The following RIMS2 variants were observed in gnomAD, a reference collection of about 807,000 sequenced individuals.
RIMS2 encodes the protein regulating synaptic membrane exocytosis protein 2.
RIMS2 carries 59 observed loss-of-function variants against 174.4 expected under a neutral mutation model. The ratio of observed to expected loss-of-function variants is 0.34; its 90% CI spans 0.27 to 0.42. RIMS2 has a LOEUF of 0.42. Among genes scored for constraint, RIMS2 ranks in the 10% least tolerant of loss-of-function variants. RIMS2 has a pLI of 1.00. For synonymous variants in RIMS2, 606 were observed against 572.5 expected (o/e 1.06, Z -0.84); for missense variants, 1,620 against 1,666.3 (o/e 0.97, Z 0.48).
chr8:103,794,937 G>A (rs199720450), intron 3 of RIMS2, among the ~76,000 whole-genome samples: 3 of 152,058 alleles, frequency 2.0e-5, no homozygotes, highest in African/African-American at 4.8e-5. Context: ...AGGAAACAAC[G>A]GGTGATGGAG....
intron 3 of RIMS2, among the ~76,000 whole-genome samples, chr8:103,837,724 G>A (rs1376203516): frequency 1.3e-5 from 2 of 152,118 alleles, no homozygotes; most frequent in African/African-American, 2.4e-5. Context: ...GTATTCCATG[G>A]TGTATATGTG....
intron 19 of RIMS2, among the ~76,000 whole-genome samples, chr8:104,037,688 A>G (rs556606045): frequency 4.1e-4 from 62 of 152,298 alleles, no homozygotes; most frequent in Non-Finnish European, 7.4e-4. Context: ...TTTGGCAAGG[A>G]AAGAATTCTT....
At chr8:103,841,960 G>C (rs1251398340) in intron 3 of RIMS2, among the ~76,000 whole-genome samples, 1 of 137,058 alleles carries the variant, frequency 7.3e-6, no homozygotes, top group African/African-American at 2.8e-5. Context: ...GTCTCAAAAA[G>C]AAAAAAGAAA....
intron 19 of RIMS2, among the ~76,000 whole-genome samples, chr8:104,214,482 C>G (rs1406787795): frequency 6.6e-6 from 1 of 152,120 alleles, no homozygotes; most frequent in Non-Finnish European, 1.5e-5. Flanking sequence ...GAGCCTCACT[C>G]TGTCACCCAG....
chr8:103,588,957 A>G (rs1347044048), intron 1 of RIMS2, among the ~76,000 whole-genome samples: 1 of 151,858 alleles, frequency 6.6e-6, no homozygotes, highest in South Asian at 2.1e-4. Context: ...GATACAATCA[A>G]CAAAATAAAG....
chr8:103,750,617 T>C (rs1256130932), intron 2 of RIMS2, among the ~76,000 whole-genome samples: 1 of 152,064 alleles, frequency 6.6e-6, no homozygotes, highest in Non-Finnish European at 1.5e-5. Context: ...GTAGAAATCA[T>C]TGGATCATGG....
intron 19 of RIMS2, among the ~76,000 whole-genome samples, chr8:104,107,527 G>A (rs1206843879): frequency 3.3e-5 from 5 of 152,136 alleles, no homozygotes; most frequent in Non-Finnish European, 7.4e-5. Context: ...AAATTAGATT[G>A]CAACAAAACA....
chr8:104,235,972 A>G (rs539448929), intron 19 of RIMS2, among the ~76,000 whole-genome samples: 1 of 152,154 alleles, frequency 6.6e-6, no homozygotes, highest in Admixed American at 6.5e-5. Context: ...GTTGTTACGC[A>G]TAATCTAAAA....
chr8:103,942,275 T>C (rs969975462), intron 13 of RIMS2, among the ~76,000 whole-genome samples: 1 of 152,174 alleles, frequency 6.6e-6, no homozygotes, highest in Admixed American at 6.5e-5. Context: ...ATTAGTTTGC[T>C]AAGGATAATG....
intron 19 of RIMS2, among the ~76,000 whole-genome samples, chr8:104,080,286 C>A (rs997295112): frequency 1.3e-5 from 2 of 152,000 alleles, no homozygotes; most frequent in South Asian, 2.1e-4. Flanking sequence ...TATGAATTAA[C>A]ATTTGGGTTT....
chr8:103,608,625 G>T (rs1280589077), intron 1 of RIMS2, among the ~76,000 whole-genome samples: 1 of 150,852 alleles, frequency 6.6e-6, no homozygotes, highest in Non-Finnish European at 1.5e-5. Context: ...TCAGACTGCT[G>T]TGCTAGCAAT....
At chr8:103,956,957 T>C (rs1370122565) in intron 14 of RIMS2, among the ~76,000 whole-genome samples, 2 of 152,078 alleles carry the variant, frequency 1.3e-5, no homozygotes, top group Non-Finnish European at 2.9e-5. Context: ...AAACAGACAC[T>C]TATCAAAAGA....
At chr8:103,732,158 G>A (rs1166510386) in intron 2 of RIMS2, among the ~76,000 whole-genome samples, 1 of 152,212 alleles carries the variant, frequency 6.6e-6, no homozygotes, top group African/African-American at 2.4e-5. Flanking sequence ...ACGTAAGGGG[G>A]TACCCCCAGC....
intron 17 of RIMS2, among the ~76,000 whole-genome samples, chr8:104,004,513 G>C (rs1353447642): frequency 1.9e-5 from 2 of 104,744 alleles, no homozygotes; most frequent in African/African-American, 5.7e-5. Flanking sequence ...GGATGGTGAG[G>C]GGGGAAAAAA....
chr8:104,021,135 A>G (rs1359923716), intron 19 of RIMS2, among the ~76,000 whole-genome samples: 1 of 152,064 alleles, frequency 6.6e-6, no homozygotes, highest in Non-Finnish European at 1.5e-5. Flanking sequence ...AATGGTTTTT[A>G]GTCTTGAATG....
At chr8:104,051,123 C>T (rs1168439146) in intron 19 of RIMS2, among the ~76,000 whole-genome samples, 1 of 152,004 alleles carries the variant, frequency 6.6e-6, no homozygotes, top group African/African-American at 2.4e-5. Context: ...CCTGTAGTCC[C>T]TGCTACTTAG....
At chr8:103,882,031 T>G (rs2099169754) in intron 3 of RIMS2, among the ~76,000 whole-genome samples, 1 of 151,506 alleles carries the variant, frequency 6.6e-6, no homozygotes, top group African/African-American at 2.4e-5. Context: ...TCAGGGTCTT[T>G]GAAGGATTAA....
chr8:103,763,628 G>A (rs1352100306), intron 2 of RIMS2, among the ~76,000 whole-genome samples: 1 of 152,136 alleles, frequency 6.6e-6, no homozygotes, highest in Non-Finnish European at 1.5e-5. Context: ...AACAAGCAGT[G>A]TGCATAGCCC....
rs2097143470 is a variant in RIMS2, at chr8:104,068,589, C to A, written c.3334+53974C>A. On this transcript the variant is annotated intron_variant, in intron 19 of 23. Transcript: ENST00000504942. Reference sequence around the variant, plus strand: ...ACAGGTAGCCGGATCAGATCCCAGACTGGAACAAGATTACCATTCGAAGGC... The same window carrying A: ...ACAGGTAGCCGGATCAGATCCCAGAATGGAACAAGATTACCATTCGAAGGC... The A allele has an allele frequency of 1.9e-6, 3 of 1,559,262 alleles. No individual in the cohort carries two copies. The Admixed American group carries it at 5.3e-5, about 28-fold the overall frequency.
Sources: allele counts gnomAD v4.1 joint callset (sites outside exome capture counted in the v4.1 genomes callset), GRCh38; gene constraint gnomAD v4.1.1; transcripts MANE v1.5; gene names NCBI Gene and HGNC (gene_info 2026-07-23, HGNC 2026-07-21).